FGF12: variants seen among roughly 807,000 people sequenced by gnomAD.
FGF12 encodes the protein fibroblast growth factor 12.
FGF12 carries 14 observed loss-of-function variants against 23.6 expected under a neutral mutation model. The observed-to-expected ratio is 0.59, with a 90% CI of 0.39 to 0.93. FGF12 has a LOEUF of 0.93. Among genes scored for constraint, FGF12 ranks in the 40% least tolerant of loss-of-function variants. The pLI, the probability that FGF12 is intolerant of heterozygous loss-of-function variation, is 0.00. For synonymous variants in FGF12, 62 were observed against 77.3 expected, an observed-to-expected ratio of 0.80 and a Z score of 1.04; for missense variants, 175 against 217.8, an observed-to-expected ratio of 0.80 and a Z score of 1.24.
intron 4 of FGF12, among the ~76,000 whole-genome samples, chr3:192,268,123 G>A (rs895274413): frequency 6.6e-6 from 1 of 152,146 alleles, no homozygotes; most frequent in African/African-American, 2.4e-5. Flanking sequence ...AATGTTTAAC[G>A]TAAATATTTC....
In FGF12 at chr3:192,197,185, A is replaced by T. The variant is rs1479438570; in HGVS notation, c.229-26529T>A. ...TCTATAAGTCTTTCTGGAAAATCCT[A>T]GTATAAAAATGTATTTTTAGTGATG... On this transcript the variant is annotated intron_variant, in intron 4 of 5. Transcript: ENST00000445105. Among the ~76,000 whole-genome samples, 8 of 152,266 alleles carry T rather than the reference A, an allele frequency of 5.3e-5. No individual in the cohort carries two copies. The East Asian group carries it at 1.5e-3, about 29-fold the overall frequency.
At position 192,595,717 on chromosome 3, in the gene FGF12, G is replaced by C. The variant is rs569319504; in HGVS notation, c.13+131464C>G. 2.6e-5 allele frequency among the ~76,000 whole-genome samples: 4 copies of C among 152,258 alleles called. No individual in the cohort carries two copies. The South Asian group carries it at 6.2e-4, about 24-fold the overall frequency. ...GTAGTAAGTGGTAGGCTTTGAACTTGGTCTTGGTAGATTAGAAGGCATTTT... is the reference window on the plus strand; with the variant it reads ...GTAGTAAGTGGTAGGCTTTGAACTTCGTCTTGGTAGATTAGAAGGCATTTT... On this transcript the variant is annotated intron_variant, in intron 2 of 5. Transcript: ENST00000445105.
intron 4 of FGF12, among the ~76,000 whole-genome samples, chr3:192,249,795 T>G (rs1347825450): frequency 6.6e-6 from 1 of 152,186 alleles, no homozygotes; most frequent in African/African-American, 2.4e-5. Flanking sequence ...CCTCTCAATG[T>G]TGTCTGAACA....
intron 4 of FGF12, among the ~76,000 whole-genome samples, chr3:192,275,459 T>C (rs894117155): frequency 6.6e-6 from 1 of 152,200 alleles, no homozygotes; most frequent in African/African-American, 2.4e-5. Context: ...TTCTATTTTA[T>C]AGAATGCAAA....
At chr3:192,647,676 C>CATATATACATATATATGTATATATGTGT (rs1195223649) in intron 2 of FGF12, among the ~76,000 whole-genome samples, 10 of 148,306 alleles carry the variant, frequency 6.7e-5, no homozygotes, top group Middle Eastern at 7.5e-3. Context: ...AATGAAGATA[C>CATATATACATATATATGTATATATGTGT]ATATATACAT....
At chr3:192,198,936 T>A (rs1717218427) in intron 4 of FGF12, among the ~76,000 whole-genome samples, 1 of 152,220 alleles carries the variant, frequency 6.6e-6, no homozygotes, top group Non-Finnish European at 1.5e-5. Flanking sequence ...TATCCCAAAC[T>A]TATATAATCT....
intron 2 of FGF12, among the ~76,000 whole-genome samples, chr3:192,506,698 G>A (rs1005464942): frequency 1.3e-5 from 2 of 151,816 alleles, no homozygotes; most frequent in Non-Finnish European, 2.9e-5. Context: ...TAAGTGTAGG[G>A]GTGCATAACT....
chr3:192,372,433 T>A (rs1719278573), intron 2 of FGF12, among the ~76,000 whole-genome samples: 1 of 151,294 alleles, frequency 6.6e-6, no homozygotes, highest in Admixed American at 6.6e-5. Flanking sequence ...TGCTTTGCCT[T>A]TGCAGAGTCA....
chr3:192,260,325 G>A (rs1712670292), intron 4 of FGF12, among the ~76,000 whole-genome samples: 1 of 152,140 alleles, frequency 6.6e-6, no homozygotes, highest in Non-Finnish European at 1.5e-5. Flanking sequence ...GAAGACAAAT[G>A]TTATATTTTA....
chr3:192,206,405 AG>A (rs1172431726), intron 4 of FGF12, among the ~76,000 whole-genome samples: 3 of 152,246 alleles, frequency 2.0e-5, no homozygotes, highest in African/African-American at 4.8e-5. Context: ...GAATCTACTC[AG>A]TACGTTGTTA....
chr3:192,514,552 C>T lies in FGF12; in HGVS notation c.14-154014G>A, dbSNP rs1724598136. On this transcript the variant is annotated intron_variant, in intron 2 of 5. Transcript: ENST00000445105. This position sits in a 1 kb window ranked among gnomAD's most constrained non-coding sequence, Gnocchi z 4.9. ...CCTCGCCCCAGTCGGGAAACGCCTT[C>T]CCTCCGCCACAGGCAGCGCTGAATG... 1 of 361,128 alleles carries T rather than the reference C, an allele frequency of 2.8e-6. No individual in the cohort carries two copies. The highest frequency in any genetic ancestry group is 3.9e-6 in the Non-Finnish European group (1 of 259,138). 22.4% of individuals were successfully genotyped at this position (361,128 alleles called of 1,614,324 possible). A position where few individuals can be genotyped will look rare whatever the true frequency, so the allele number is the denominator to read the frequency against.
intron 4 of FGF12, among the ~76,000 whole-genome samples, chr3:192,292,848 C>T (rs1368077794): frequency 6.6e-6 from 1 of 152,176 alleles, no homozygotes; most frequent in Admixed American, 6.5e-5. Flanking sequence ...ATGATCATGG[C>T]TCACTACAGC....
In FGF12 at chr3:192,311,923, GTCTGTCTA is replaced by G. The variant is rs1448024325; in HGVS notation, c.228+23430_228+23437del. Among the ~76,000 whole-genome samples the G allele has an allele frequency of 5.7e-3, 726 of 126,858 alleles. 3 individuals carry two copies. The highest frequency in any genetic ancestry group is 0.021 in the African/African-American group (687 of 32,354). 83.2% of individuals were successfully genotyped at this position (126,858 alleles called of 152,430 possible). ...AGTACATTTCACATTGCTATTGACT[GTCTGTCTA>G]TCTATCTATCTATCTATCTATCTAT... On this transcript the variant is annotated intron_variant, in intron 4 of 5. Transcript: ENST00000445105.
At chr3:192,359,982 C>G (rs1411916373) in intron 3 of FGF12, among the ~76,000 whole-genome samples, 1 of 151,590 alleles carries the variant, frequency 6.6e-6, no homozygotes, top group Non-Finnish European at 1.5e-5. Context: ...TATGCATGTA[C>G]TCAGTGTTTA....
intron 2 of FGF12, among the ~76,000 whole-genome samples, chr3:192,724,363 CAT>C (rs1719143249): frequency 6.6e-6 from 1 of 152,064 alleles, no homozygotes; most frequent in Non-Finnish European, 1.5e-5. Flanking sequence ...CTAAAGGAAA[CAT>C]ATATGCTTTT....
At chr3:192,522,177 G>A (rs765140552) in intron 2 of FGF12, among the ~76,000 whole-genome samples, 8 of 145,810 alleles carry the variant, frequency 5.5e-5, no homozygotes, top group Admixed American at 1.4e-4. Context: ...CAGCCTGGGC[G>A]ACAGAGCGAG....
At chr3:192,671,618 A>G (rs1717123164) in intron 2 of FGF12, among the ~76,000 whole-genome samples, 1 of 152,294 alleles carries the variant, frequency 6.6e-6, no homozygotes, top group Admixed American at 6.5e-5. Flanking sequence ...ACGGACATGA[A>G]ATGCCCTTTA....
At chr3:192,181,235 C>T (rs563429912) in intron 4 of FGF12, among the ~76,000 whole-genome samples, 1 of 152,172 alleles carries the variant, frequency 6.6e-6, no homozygotes, top group South Asian at 2.1e-4. Context: ...GCAAAGAGGG[C>T]ATTCAATGAA....
chr3:192,444,718 A>C (rs182285183), intron 2 of FGF12, among the ~76,000 whole-genome samples: 1 of 152,312 alleles, frequency 6.6e-6, no homozygotes, highest in Admixed American at 6.5e-5. Context: ...CATGAGGGAA[A>C]TTGCTTCCCT....
Sources: gnomAD v4.1 joint callset for allele counts (sites outside exome capture counted in the v4.1 genomes callset) on GRCh38, gnomAD v4.1.1 for gene constraint, Gnocchi (gnomAD v3.1) non-coding constraint, MANE v1.5 for transcripts, NCBI Gene and HGNC (gene_info 2026-07-23, HGNC 2026-07-21) for gene names.